The following REDIC1 variants were observed in gnomAD, a reference collection of about 807,000 sequenced individuals.
The protein encoded by REDIC1 is HEI10 Interacting Protein 1.
chr12:39,632,534 A>T, the REDIC1 span, among the ~76,000 whole-genome samples: 1 of 152,216 alleles, frequency 6.6e-6, no homozygotes, highest in Non-Finnish European at 1.5e-5. Flanking sequence ...GTATATATGT[A>T]TGTATGCATG....
chr12:39,736,728 C>T, the REDIC1 span: 1 of 152,200 alleles, frequency 6.6e-6, no homozygotes, highest in Non-Finnish European at 1.5e-5. Flanking sequence ...CCGTGGGTAT[C>T]CTGAGCTGCC....
the REDIC1 span, among the ~76,000 whole-genome samples, chr12:39,826,786 T>C: frequency 3.4e-5 from 5 of 148,496 alleles, no homozygotes; most frequent in Non-Finnish European, 7.4e-5. Context: ...GCACCAATCA[T>C]AAGTATATAA....
the REDIC1 span, chr12:39,683,175 TC>T: frequency 6.6e-7 from 1 of 1,516,794 alleles, no homozygotes. Context: ...AATTACATAT[TC>T]TTTTTTTCTT....
At chr12:39,897,357 C>G in the REDIC1 span, among the ~76,000 whole-genome samples, 1 of 152,118 alleles carries the variant, frequency 6.6e-6, no homozygotes. Flanking sequence ...ATCTCACTAC[C>G]CCTTCTTTAA....
chr12:39,759,487 T>G, the REDIC1 span: 3 of 152,990 alleles, frequency 2.0e-5, no homozygotes, highest in African/African-American at 7.2e-5. Context: ...TGTGCCCTTG[T>G]AGGAGGCACT....
chr12:39,882,157 C>T, the REDIC1 span, among the ~76,000 whole-genome samples: 1 of 152,126 alleles, frequency 6.6e-6, no homozygotes, highest in East Asian at 1.9e-4. Context: ...ATAATACTTA[C>T]TATGTGAGTA....
chr12:39,697,728 TG>T, the REDIC1 span, among the ~76,000 whole-genome samples: 3 of 151,940 alleles, frequency 2.0e-5, no homozygotes, highest in Admixed American at 6.6e-5. Flanking sequence ...CCAAGCCTTA[TG>T]AAAAACTCAA....
At chr12:39,790,357 C>T in the REDIC1 span, among the ~76,000 whole-genome samples, 1 of 144,000 alleles carries the variant, frequency 6.9e-6, no homozygotes, top group Non-Finnish European at 1.5e-5. Context: ...TCTCCCAATG[C>T]TATCCCTCCC....
chr12:39,810,197 G>A, the REDIC1 span, among the ~76,000 whole-genome samples: 2 of 152,228 alleles, frequency 1.3e-5, no homozygotes, highest in South Asian at 2.1e-4. Context: ...TACTTAGTTA[G>A]ATCTTCTTTA....
the REDIC1 span, chr12:39,760,095 A>C: frequency 6.2e-7 from 1 of 1,612,928 alleles, no homozygotes; most frequent in Non-Finnish European, 8.5e-7. Context: ...TATATTCAAT[A>C]TATCTCCCTT....
chr12:39,670,231 C>A, the REDIC1 span, among the ~76,000 whole-genome samples: 1 of 152,124 alleles, frequency 6.6e-6, no homozygotes, highest in Non-Finnish European at 1.5e-5. Flanking sequence ...TGCTCCATCA[C>A]CCAGGCTGGA....
the REDIC1 span, among the ~76,000 whole-genome samples, chr12:39,764,185 T>TTTACACCATAAA: frequency 6.6e-6 from 1 of 152,010 alleles, no homozygotes; most frequent in Non-Finnish European, 1.5e-5. Flanking sequence ...GACTTCCACC[T>TTTACACCATAAA]GGGGAGATAG....
the REDIC1 span, among the ~76,000 whole-genome samples, chr12:39,865,939 T>C: frequency 6.6e-6 from 1 of 152,222 alleles, no homozygotes; most frequent in Non-Finnish European, 1.5e-5. Flanking sequence ...GTGCTTATTA[T>C]CTGGGTGACA....
the REDIC1 span, among the ~76,000 whole-genome samples, chr12:39,674,703 G>C: frequency 6.6e-6 from 1 of 152,152 alleles, no homozygotes; most frequent in Non-Finnish European, 1.5e-5. Flanking sequence ...AAATATAAAA[G>C]TGGAAGAAGC....
At chr12:39,665,192 T>C in the REDIC1 span, among the ~76,000 whole-genome samples, 1 of 152,178 alleles carries the variant, frequency 6.6e-6, no homozygotes, top group Admixed American at 6.5e-5. Flanking sequence ...CTTCTAGGGT[T>C]TTTATGGTTT....
the REDIC1 span, chr12:39,745,821 C>G: frequency 6.6e-6 from 1 of 152,210 alleles, no homozygotes; most frequent in Non-Finnish European, 1.5e-5. Flanking sequence ...TTAATGTAAG[C>G]ATGGTGCCAT....
At chr12:39,824,538 A>C in the REDIC1 span, among the ~76,000 whole-genome samples, 1 of 152,176 alleles carries the variant, frequency 6.6e-6, no homozygotes, top group Admixed American at 6.5e-5. Flanking sequence ...AAGGAGGTTA[A>C]GCTAGTCTTG....
chr12:39,704,888 C>G, the REDIC1 span, among the ~76,000 whole-genome samples: 1 of 151,546 alleles, frequency 6.6e-6, no homozygotes, highest in Non-Finnish European at 1.5e-5. Context: ...CACATGGACA[C>G]AGGAAGGGGA....
At chr12:39,867,419 A>T in the REDIC1 span, among the ~76,000 whole-genome samples, 12 of 152,268 alleles carry the variant, frequency 7.9e-5, no homozygotes, top group Non-Finnish European at 5.9e-5. Context: ...TGGATGGGCC[A>T]CCATACTATA....
Sources: allele counts gnomAD v4.1 joint callset (sites outside exome capture counted in the v4.1 genomes callset), GRCh38; gene constraint gnomAD v4.1.1; transcripts MANE v1.5; gene names NCBI Gene and HGNC (gene_info 2026-07-23, HGNC 2026-07-21).